The following UVRAG variants were observed in gnomAD, a reference collection of about 807,000 sequenced individuals.
UVRAG encodes the protein UV radiation resistance-associated gene protein.
In UVRAG, 19 loss-of-function variants were observed where a neutral mutation model predicts 78.0. That is an observed-to-expected ratio of 0.24 (90% CI 0.17 to 0.36). UVRAG has a LOEUF of 0.36. UVRAG is among the 10% of genes least tolerant of loss of function. The pLI, the probability that UVRAG is intolerant of heterozygous loss-of-function variation, is 1.00. For synonymous variants in UVRAG, 323 were observed against 324.6 expected, an observed-to-expected ratio of 1.00 and a Z score of 0.05; for missense variants, 740 against 853.8, an observed-to-expected ratio of 0.87 and a Z score of 1.66.
chr11:75,949,874 A>G (rs536670810), intron 6 of UVRAG, among the ~76,000 whole-genome samples: 1 of 152,098 alleles, frequency 6.6e-6, no homozygotes, highest in Non-Finnish European at 1.5e-5. Flanking sequence ...GAGTATTTTC[A>G]TTATCCAGAA....
At chr11:76,113,221 A>T (rs1952112196) in intron 13 of UVRAG, among the ~76,000 whole-genome samples, 1 of 152,230 alleles carries the variant, frequency 6.6e-6, no homozygotes, top group Non-Finnish European at 1.5e-5. Context: ...TTAAAATATG[A>T]TATTGAATGT....
chr11:75,933,716 A>G (rs1477455042), intron 6 of UVRAG, among the ~76,000 whole-genome samples: 1 of 152,270 alleles, frequency 6.6e-6, no homozygotes, highest in African/African-American at 2.4e-5. Flanking sequence ...TCTCAAAGGA[A>G]GACATATACA....
intron 4 of UVRAG, among the ~76,000 whole-genome samples, chr11:75,882,072 C>A (rs1283759118): frequency 6.6e-6 from 1 of 152,130 alleles, no homozygotes; most frequent in Non-Finnish European, 1.5e-5. Context: ...GCCTATGGTA[C>A]TACTATTAAA....
At chr11:75,965,473 A>G (rs530462409) in intron 7 of UVRAG, among the ~76,000 whole-genome samples, 1 of 152,170 alleles carries the variant, frequency 6.6e-6, no homozygotes, top group Non-Finnish European at 1.5e-5. Flanking sequence ...CACCACGCCC[A>G]GTTAATTTTT....
intron 14 of UVRAG, among the ~76,000 whole-genome samples, chr11:76,120,455 C>T (rs1405384773): frequency 6.6e-6 from 1 of 152,174 alleles, no homozygotes; most frequent in East Asian, 1.9e-4. Context: ...CAGCAACTCT[C>T]AGTTCTAAGG....
intron 9 of UVRAG, among the ~76,000 whole-genome samples, chr11:76,006,548 T>C (rs1354944874): frequency 1.3e-5 from 2 of 151,366 alleles, no homozygotes; most frequent in Admixed American, 6.6e-5. Context: ...TAGTCCCAGC[T>C]TCTCAGGAAG....
chr11:75,828,855 G>T (rs1173483550), intron 1 of UVRAG, among the ~76,000 whole-genome samples: 3 of 142,276 alleles, frequency 2.1e-5, no homozygotes, highest in Non-Finnish European at 4.5e-5. Context: ...CTACAGGTGC[G>T]CATGGTGCGC....
intron 7 of UVRAG, among the ~76,000 whole-genome samples, chr11:75,969,856 C>T (rs1281997856): frequency 1.1e-4 from 17 of 152,208 alleles, no homozygotes; most frequent in Non-Finnish European, 1.5e-4. Context: ...TGAGTTCCCA[C>T]GCTTCCTCAT....
At position 75,973,651 on chromosome 11, in the gene UVRAG, G is replaced by A. The variant is rs140365471; in HGVS notation, c.700-9736G>A. ...TATACATGTGCCATGTTGGTGTGCT[G>A]CACCCATTAACTCGTCATTTACATT... On this transcript the variant is annotated intron_variant, in intron 7 of 14. Coordinates refer to ENST00000356136, the MANE Select transcript of UVRAG (RefSeq NM_003369.4). Among the ~76,000 whole-genome samples the A allele has an allele frequency of 6.7e-3, 1,013 of 152,188 alleles. 14 individuals are homozygous for A. Among genetic ancestry groups the A allele is most frequent in the African/African-American group, 0.023 (963 of 41,508 alleles).
At chr11:75,858,016 A>G (rs1590940953) in intron 2 of UVRAG, among the ~76,000 whole-genome samples, 2 of 152,092 alleles carry the variant, frequency 1.3e-5, no homozygotes, top group African/African-American at 2.4e-5. Context: ...TGTAAACTCT[A>G]TGAAGGCAGA....
intron 1 of UVRAG, among the ~76,000 whole-genome samples, chr11:75,827,569 C>G (rs1945543035): frequency 6.6e-6 from 1 of 152,132 alleles, no homozygotes; most frequent in Admixed American, 6.5e-5. Flanking sequence ...CGAGATCACG[C>G]CACTGCACTC....
chr11:75,947,658 G>A (rs1481455334), intron 6 of UVRAG, among the ~76,000 whole-genome samples: 1 of 152,154 alleles, frequency 6.6e-6, no homozygotes, highest in Non-Finnish European at 1.5e-5. Flanking sequence ...TTTGTGGGGA[G>A]ATGATGACAA....
chr11:76,028,870 A>G (rs1248125941), intron 12 of UVRAG, among the ~76,000 whole-genome samples: 1 of 152,196 alleles, frequency 6.6e-6, no homozygotes, highest in East Asian at 1.9e-4. Flanking sequence ...AGCTAAGAGT[A>G]TTGATGCAGG....
At chr11:75,903,186 A>G (rs1167663382) in intron 5 of UVRAG, among the ~76,000 whole-genome samples, 1 of 151,500 alleles carries the variant, frequency 6.6e-6, no homozygotes, top group Non-Finnish European at 1.5e-5. Flanking sequence ...TCTAATATGT[A>G]TGGATTTTTA....
Position 75,829,292 on chromosome 11 carries a change from A to G in UVRAG, c.117+13768A>G, listed in dbSNP as rs368436798. Among the ~76,000 whole-genome samples the G allele has an allele frequency of 3.3e-5, 5 of 152,252 alleles. No homozygotes were observed. The South Asian group carries it at 6.2e-4, about 19-fold the overall frequency. ...TTAGTGCATTTTTTAATATTATACA[A>G]CTACCCAAAAACTACTAAAAAATTA... is the stretch of plus-strand genomic sequence containing the variant. On this transcript the variant is annotated intron_variant, in intron 1 of 14. Coordinates refer to ENST00000356136, the MANE Select transcript of UVRAG (RefSeq NM_003369.4).
At chr11:76,013,261 C>T (rs1950088111) in intron 11 of UVRAG, among the ~76,000 whole-genome samples, 2 of 152,110 alleles carry the variant, frequency 1.3e-5, no homozygotes, top group African/African-American at 2.4e-5. Context: ...AAGCTACAGC[C>T]TTGAGTGGTT....
intron 13 of UVRAG, among the ~76,000 whole-genome samples, chr11:76,085,378 G>A (rs541083170): frequency 2.0e-5 from 3 of 152,096 alleles, no homozygotes; most frequent in Non-Finnish European, 4.4e-5. Context: ...GTCAGTGCTC[G>A]TCAAAGTGTG....
chr11:75,991,955 A>G (rs543230666), intron 8 of UVRAG, among the ~76,000 whole-genome samples: 7 of 152,248 alleles, frequency 4.6e-5, no homozygotes, highest in South Asian at 4.1e-4. Flanking sequence ...GCTCTTATAT[A>G]TAGAATATTA....
intron 8 of UVRAG, among the ~76,000 whole-genome samples, chr11:75,995,296 C>T (rs2135309804): frequency 6.6e-6 from 1 of 151,182 alleles, no homozygotes; most frequent in South Asian, 2.1e-4. Context: ...ATACTTTTCT[C>T]CTATTTTACT....
Sources: allele counts gnomAD v4.1 joint callset (sites outside exome capture counted in the v4.1 genomes callset), GRCh38; gene constraint gnomAD v4.1.1; transcripts MANE v1.5; gene names NCBI Gene and HGNC (gene_info 2026-07-23, HGNC 2026-07-21).